ROR2: variants seen among roughly 807,000 people sequenced by gnomAD.
ROR2 encodes the protein ROR family WNT receptor 2.
Under a neutral mutation model 74.9 loss-of-function variants are expected in ROR2, and 33 were observed. The ratio of observed to expected loss-of-function variants is 0.44; its 90% CI spans 0.33 to 0.59. The LOEUF is 0.59. Ranked by LOEUF, ROR2 falls within the 20% of genes least tolerant of loss-of-function variation. The pLI is 0.02. For synonymous variants in ROR2, 586 were observed against 558.7 expected, an observed-to-expected ratio of 1.05 and a Z score of -0.69; for missense variants, 1,216 against 1,313.8, an observed-to-expected ratio of 0.93 and a Z score of 1.15.
At chr9:91,777,169 T>C (rs914200382) in intron 1 of ROR2, among the ~76,000 whole-genome samples, 9 of 152,236 alleles carry the variant, frequency 5.9e-5, no homozygotes, top group African/African-American at 2.2e-4. Flanking sequence ...TATCTTCCTA[T>C]ACTACATAGT....
At chr9:91,768,502 AG>A (rs1276275808) in intron 2 of ROR2, among the ~76,000 whole-genome samples, 1 of 152,210 alleles carries the variant, frequency 6.6e-6, no homozygotes, top group Non-Finnish European at 1.5e-5. Flanking sequence ...CAGCAAGCTC[AG>A]GAAGAATCAC....
chr9:91,762,404 T>C (rs1825940908), intron 2 of ROR2, among the ~76,000 whole-genome samples: 1 of 152,220 alleles, frequency 6.6e-6, no homozygotes, highest in South Asian at 2.1e-4. Flanking sequence ...TAACATAACC[T>C]TTTTGCTTTC....
At chr9:91,949,318 C>T (rs1178044138) in intron 1 of ROR2, among the ~76,000 whole-genome samples, 3 of 151,924 alleles carry the variant, frequency 2.0e-5, no homozygotes, top group Non-Finnish European at 4.4e-5. Flanking sequence ...AAAGTCAGGA[C>T]CCGGGAGCCG....
chr9:91,768,532 C>T (rs1335835057), intron 2 of ROR2, among the ~76,000 whole-genome samples: 3 of 152,144 alleles, frequency 2.0e-5, no homozygotes, highest in African/African-American at 7.2e-5. Context: ...GTGTGTGTCA[C>T]CCGCAGGAGG....
intron 4 of ROR2, among the ~76,000 whole-genome samples, chr9:91,745,285 C>T (rs118143261): frequency 0.027 from 4,027 of 151,682 alleles, 75 homozygotes; most frequent in Middle Eastern, 0.058. Flanking sequence ...GCCACCATAC[C>T]GGACTAATTT....
intron 1 of ROR2, among the ~76,000 whole-genome samples, chr9:91,869,889 T>C (rs1286265074): frequency 1.3e-5 from 2 of 152,226 alleles, no homozygotes; most frequent in Non-Finnish European, 2.9e-5. Context: ...ATAAAAGTTA[T>C]CTAAGTCAAG....
intron 1 of ROR2, among the ~76,000 whole-genome samples, chr9:91,856,753 T>C (rs1050005323): frequency 1.3e-5 from 2 of 152,226 alleles, no homozygotes; most frequent in African/African-American, 2.4e-5. Flanking sequence ...ACAAATACGA[T>C]GTCCTTGTCT....
intron 1 of ROR2, among the ~76,000 whole-genome samples, chr9:91,825,200 G>C (rs147121625): frequency 6.6e-6 from 1 of 152,310 alleles, no homozygotes; most frequent in East Asian, 1.9e-4. Flanking sequence ...GAAAGCCTTC[G>C]GTAATCAGGG....
At chr9:91,793,783 AAG>A (rs1827083734) in intron 1 of ROR2, among the ~76,000 whole-genome samples, 2 of 152,080 alleles carry the variant, frequency 1.3e-5, no homozygotes, top group South Asian at 4.1e-4. Context: ...AAAAGACACA[AAG>A]AGTTTACATA....
intron 1 of ROR2, among the ~76,000 whole-genome samples, chr9:91,814,287 C>G (rs533228719): frequency 3.9e-5 from 6 of 152,278 alleles, no homozygotes; most frequent in African/African-American, 1.4e-4. Flanking sequence ...GGAAGGCATC[C>G]CTCTGCCTCT....
chr9:91,918,443 T>C (rs1015855809), intron 1 of ROR2, among the ~76,000 whole-genome samples: 5 of 152,086 alleles, frequency 3.3e-5, no homozygotes, highest in Non-Finnish European at 5.9e-5. Context: ...TAAAAGAAGG[T>C]GGAGGAAAAA....
rs1182186865 is a variant in ROR2 at position 91,871,242 on chromosome 9, A to AG, written c.97+78624dup. 4.6e-5 allele frequency among the ~76,000 whole-genome samples: 7 copies of AG among 151,786 alleles called. No homozygotes were observed. In the East Asian group the frequency reaches 1.4e-3, roughly 30 times the overall value. On this transcript the variant is annotated intron_variant, in intron 1 of 8. Transcript: ENST00000375708. The stretch of plus-strand genomic sequence containing the variant: ...GTTGGTCTCCTTCCATGTGTAGAGC[A>AG]GCTGTCTGCCATATATATCACTGTG...
At chr9:91,937,055 C>CAAAAAAAAAA (rs1564051353) in intron 1 of ROR2, among the ~76,000 whole-genome samples, 1 of 130,028 alleles carries the variant, frequency 7.7e-6, no homozygotes, top group African/African-American at 3.0e-5. Flanking sequence ...AAAGATTTCC[C>CAAAAAAAAAA]ATCTTCTACT....
chr9:91,920,673 T>A (rs546687365), intron 1 of ROR2, among the ~76,000 whole-genome samples: 142 of 152,192 alleles, frequency 9.3e-4, no homozygotes, highest in Non-Finnish European at 1.7e-3. Flanking sequence ...TGGGAGCATA[T>A]CGACAAAGCA....
At chr9:91,882,268 A>C (rs1830133754) in intron 1 of ROR2, among the ~76,000 whole-genome samples, 1 of 151,958 alleles carries the variant, frequency 6.6e-6, no homozygotes, top group Non-Finnish European at 1.5e-5. Flanking sequence ...AAAATTACCC[A>C]GGCATGGTGG....
intron 1 of ROR2, among the ~76,000 whole-genome samples, chr9:91,936,241 C>T (rs774657670): frequency 1.3e-5 from 2 of 152,242 alleles, no homozygotes; most frequent in Non-Finnish European, 1.5e-5. Flanking sequence ...CCTCCTAGGG[C>T]TGCCGTAACT....
intron 1 of ROR2, among the ~76,000 whole-genome samples, chr9:91,892,845 C>A (rs1017223307): frequency 2.6e-5 from 4 of 152,152 alleles, no homozygotes; most frequent in African/African-American, 9.6e-5. Flanking sequence ...CCGCCTCAGC[C>A]TCCCAAAGTG....
At chr9:91,925,466 A>ATGTGTGTGTGTGTGTGTGTGTGTGTG (rs35012954) in intron 1 of ROR2, among the ~76,000 whole-genome samples, 7 of 144,616 alleles carry the variant, frequency 4.8e-5, no homozygotes, top group Admixed American at 3.4e-4. Context: ...AGCTGCCTGT[A>ATGTGTGTGTGTGTGTGTGTGTGTGTG]TGTGTGTGTG....
At chr9:91,785,314 TG>T (rs1383315330) in intron 1 of ROR2, among the ~76,000 whole-genome samples, 8 of 152,362 alleles carry the variant, frequency 5.3e-5, no homozygotes, top group African/African-American at 1.4e-4. Context: ...CCTGTTTCAA[TG>T]TGAGTTCCTA....
Sources: gnomAD v4.1 joint callset for allele counts (sites outside exome capture counted in the v4.1 genomes callset) on GRCh38, gnomAD v4.1.1 for gene constraint, MANE v1.5 for transcripts, NCBI Gene and HGNC (gene_info 2026-07-23, HGNC 2026-07-21) for gene names.